The following ZBTB40 variants were observed in gnomAD, a reference collection of about 807,000 sequenced individuals.
The protein encoded by ZBTB40 is zinc finger and BTB domain containing 40.
ZBTB40 carries 60 observed loss-of-function variants against 117.5 expected under a neutral mutation model. The observed-to-expected ratio is 0.51, with a 90% CI of 0.41 to 0.63. The LOEUF (loss-of-function observed/expected upper bound fraction) is 0.63, where lower values mean the gene tolerates loss of function less well. Among genes scored for constraint, ZBTB40 ranks in the 30% least tolerant of loss-of-function variants. The probability of loss-of-function intolerance (pLI) is 0.00; values close to 1 mark genes in which losing one functional copy is unlikely to be tolerated. For synonymous variants in ZBTB40, 525 were observed against 577.1 expected (o/e 0.91, Z 1.29); for missense variants, 1,287 against 1,498.5 (o/e 0.86, Z 2.33).
chr1:22,522,554 C>T, intron 16 of ZBTB40, 91 bp downstream of exon 16: 1 of 1,210,200 alleles, frequency 8.3e-7, no homozygotes, highest in Non-Finnish European at 1.2e-6. Context: ...GGCTAAATCG[C>T]TTAACAAACC....
At position 22,494,076 on chromosome 1, in the gene ZBTB40, A is replaced by T. The variant is rs867215482; in HGVS notation, c.831+2543A>T. ...ACTCATAGTAAAATGCCAGGCACTC[A>T]GTAGGAGGTCAGTAGGTAACAACTG... On this transcript the variant is annotated intron_variant, in intron 3 of 17. Transcript: ENST00000375647. Among the ~76,000 whole-genome samples the T allele has an allele frequency of 2.6e-5, 4 of 152,320 alleles. No individual in the cohort carries two copies. The South Asian group carries it at 8.3e-4, about 32-fold the overall frequency.
chr1:22,517,162 C>T (rs1639393841), intron 12 of ZBTB40, 138 bp from the exon 13 acceptor site: 4 of 1,192,682 alleles, frequency 3.4e-6, no homozygotes, highest in African/African-American at 1.5e-5. Context: ...TCTCACCCAG[C>T]GTATTGCAGA....
rs973744491 is a variant in ZBTB40, at chr1:22,527,393, G to C, written c.*997G>C. Reference sequence around the variant, plus strand: ...CCTGCTGCCTCACCTCCCGCAGGCCGCCACACTTATTGCAGGTCAGTGATC... The same window carrying C: ...CCTGCTGCCTCACCTCCCGCAGGCCCCCACACTTATTGCAGGTCAGTGATC... On this transcript the variant is annotated 3_prime_UTR_variant, in exon 18 of 18. Transcript: ENST00000375647. 2.0e-5 allele frequency: 3 copies of C among 152,328 alleles called. No individual in the cohort carries two copies. The highest frequency in any genetic ancestry group is 2.0e-4 in the Admixed American group (3 of 15,284). 9.4% of individuals were successfully genotyped at this position (152,328 alleles called of 1,614,324 possible).
chr1:22,516,659 C>T (rs944771516), intron 12 of ZBTB40, among the ~76,000 whole-genome samples: 1 of 152,172 alleles, frequency 6.6e-6, no homozygotes, highest in African/African-American at 2.4e-5. Flanking sequence ...TGCCATGCCT[C>T]ACCAATTGCC....
chr1:22,519,806 A>G (rs1228165892), intron 13 of ZBTB40: 3 of 546,034 alleles, frequency 5.5e-6, no homozygotes, highest in Non-Finnish European at 9.9e-6. Flanking sequence ...AGGAATGGAG[A>G]TGAACTACAT....
intron 1 of ZBTB40, among the ~76,000 whole-genome samples, chr1:22,437,168 G>A (rs1323329140): frequency 6.6e-6 from 1 of 152,006 alleles, no homozygotes; most frequent in Non-Finnish European, 1.5e-5. Flanking sequence ...GACGTCATAG[G>A]GCAAATTACT....
chr1:22,448,445 T>C (rs1304767342), upstream of ZBTB40, among the ~76,000 whole-genome samples: 1 of 152,254 alleles, frequency 6.6e-6, no homozygotes, highest in East Asian at 1.9e-4. Context: ...GATTCTGTTT[T>C]ACTCTTTCTT....
At chr1:22,522,328 GCCAA>G in intron 15 of ZBTB40, 45 bp from the exon 16 acceptor site, 1 of 1,595,140 alleles carries the variant, frequency 6.3e-7, no homozygotes, top group Non-Finnish European at 8.6e-7. Context: ...GCCTTGGAGA[GCCAA>G]CCATTTGTTC....
rs1639523594 is a variant in ZBTB40, at chr1:22,521,491, T to C, written c.3049-5T>C. ...AAGACCTAACACTTGCCAAATTCCT[T>C]GCAGCAATTGTCTGGTTTGTGGTAC... On this transcript the variant is annotated splice_region_variant and splice_polypyrimidine_tract_variant and intron_variant, in intron 14 of 17. Transcript: ENST00000375647. The C allele has an allele frequency of 6.2e-7, 1 of 1,614,228 alleles. No homozygotes were observed. The highest frequency in any genetic ancestry group is 8.5e-7 in the Non-Finnish European group (1 of 1,180,036).
intron 4 of ZBTB40, 93 bp downstream of exon 4, chr1:22,501,777 AGT>A (rs1638944743): frequency 2.2e-6 from 3 of 1,370,460 alleles, no homozygotes; most frequent in South Asian, 2.5e-5. Context: ...TTGGTGGCTT[AGT>A]TATTAAGTGG....
At chr1:22,509,361 T>C (rs947920337) in intron 9 of ZBTB40, 128 bp downstream of exon 9, 2 of 1,373,402 alleles carry the variant, frequency 1.5e-6, no homozygotes, top group Non-Finnish European at 2.0e-6. Context: ...CCTTTTTCTC[T>C]TTTGAGACAG....
rs1337099520 is a variant in ZBTB40, at chr1:22,529,759, G to C, written c.*3363G>C. 1 of 152,190 alleles carries C rather than the reference G, an allele frequency of 6.6e-6. No individual in the cohort carries two copies. The highest frequency in any genetic ancestry group is 1.5e-5 in the Non-Finnish European group (1 of 68,022). The allele number at this position is 152,190 out of a possible 1,614,324, so 9.4% of individuals were successfully genotyped here. ...AGTACCAGGTTTCCCTGGCAATCCA[G>C]GTCTCCTCTGAGGAAGCATTCTGAC... On this transcript the variant is annotated 3_prime_UTR_variant, in exon 18 of 18. Transcript: ENST00000375647.
chr1:22,526,275 C>T lies in ZBTB40; in HGVS notation c.3599C>T (p.Ser1200Leu), dbSNP rs1340431662. The T allele has an allele frequency of 9.9e-6, 16 of 1,614,160 alleles. No homozygotes were observed. Among genetic ancestry groups the T allele is most frequent in the Non-Finnish European group, 1.0e-5 (12 of 1,180,042 alleles). Residue 1200 changes from serine (S) to leucine (L), a missense_variant, in exon 18 of 18, where the codon TCG (serine) becomes TTG (leucine). By Grantham distance (145) the Ser-to-Leu change is moderately radical. This residue lies in a region of ZBTB40 where 417 missense variants were observed against 564.1 expected (regional missense o/e 0.74). Transcript: ENST00000375647. ...TTGGAGGAGACCCAGCTTGCCGGGT[C>T]GCAGGTGTTTGTGACGTTGCCAGAT... Reference protein sequence around the residue: ...ITLEETQLAGSQVFVTLPDSQ... With the variant: ...ITLEETQLAGLQVFVTLPDSQ...
At chr1:22,483,578 C>A (rs944182564) in intron 1 of ZBTB40, among the ~76,000 whole-genome samples, 2 of 152,192 alleles carry the variant, frequency 1.3e-5, no homozygotes, top group African/African-American at 4.8e-5. Flanking sequence ...TTGTCATCTG[C>A]ATATCTTCTT....
At chr1:22,524,194 C>T in intron 16 of ZBTB40, 24 bp from the exon 17 acceptor site, 2 of 1,611,474 alleles carry the variant, frequency 1.2e-6, no homozygotes, top group Non-Finnish European at 1.7e-6. Context: ...CACAGCCCTC[C>T]CCTTCTGTCT....
chr1:22,434,232 T>G (rs1214629076), intron 1 of ZBTB40, among the ~76,000 whole-genome samples: 1 of 152,202 alleles, frequency 6.6e-6, no homozygotes, highest in African/African-American at 2.4e-5. Context: ...TATAAGTCAT[T>G]TTCGTGCCTT....
chr1:22,487,569 T>C (rs1638503921), intron 1 of ZBTB40, among the ~76,000 whole-genome samples: 1 of 152,088 alleles, frequency 6.6e-6, no homozygotes. Context: ...GTCCTTCACA[T>C]CCATTCAGTC....
chr1:22,462,567 C>T (rs538081127), intron 1 of ZBTB40, among the ~76,000 whole-genome samples: 14 of 152,262 alleles, frequency 9.2e-5, no homozygotes, highest in South Asian at 4.1e-4. Context: ...CCATAGGTAA[C>T]GGGAAGAGTC....
intron 5 of ZBTB40, among the ~76,000 whole-genome samples, chr1:22,505,120 T>TAA (rs1207609898): frequency 6.6e-6 from 1 of 152,178 alleles, no homozygotes; most frequent in Non-Finnish European, 1.5e-5. Context: ...GTTAATTTGA[T>TAA]AATGGCAGCC....
Sources: gnomAD v4.1 joint callset for allele counts (sites outside exome capture counted in the v4.1 genomes callset) on GRCh38, gnomAD v4.1.1 for gene constraint, gnomAD v4.1.1 regional missense constraint, MANE v1.5 for transcripts, NCBI Gene and HGNC (gene_info 2026-07-23, HGNC 2026-07-21) for gene names.